APP: variants seen among roughly 807,000 people sequenced by gnomAD.
APP encodes the protein amyloid beta precursor protein.
APP carries 31 observed loss-of-function variants against 101.4 expected under a neutral mutation model. The ratio of observed to expected loss-of-function variants is 0.31; its 90% CI spans 0.23 to 0.41. The LOEUF (loss-of-function observed/expected upper bound fraction) is 0.41, where lower values mean the gene tolerates loss of function less well. Among genes scored for constraint, APP ranks in the 10% least tolerant of loss-of-function variants. The pLI is 1.00. For synonymous variants in APP, 366 were observed against 364.4 expected (o/e 1.00, Z -0.05); for missense variants, 839 against 1,003.7 (o/e 0.84, Z 2.22).
At chr21:25,979,313 G>GC (rs2042337775) in intron 9 of APP, among the ~76,000 whole-genome samples, 1 of 152,206 alleles carries the variant, frequency 6.6e-6, no homozygotes, top group Non-Finnish European at 1.5e-5. Flanking sequence ...CCTGGCCCTT[G>GC]CAGTGGCTCT....
At chr21:26,015,176 T>C (rs2043995958) in intron 6 of APP, among the ~76,000 whole-genome samples, 1 of 152,212 alleles carries the variant, frequency 6.6e-6, no homozygotes, top group South Asian at 2.1e-4. Context: ...TAATTAAAAG[T>C]CAACTTATTG....
At chr21:25,988,349 G>A (rs571977011) in intron 8 of APP, among the ~76,000 whole-genome samples, 4 of 152,268 alleles carry the variant, frequency 2.6e-5, no homozygotes, top group South Asian at 2.1e-4. Context: ...GTGATGGGGC[G>A]TTTTGTTGAA....
intron 3 of APP, 54 bp from the exon 4 acceptor site, chr21:26,053,402 A>G (rs1295103717): frequency 1.9e-5 from 23 of 1,238,604 alleles, no homozygotes; most frequent in Non-Finnish European, 2.5e-5. Context: ...CAGTGTTCTT[A>G]CCGCAGAAGA....
chr21:25,885,469 C>T (rs1350117506), intron 17 of APP, among the ~76,000 whole-genome samples: 1 of 152,218 alleles, frequency 6.6e-6, no homozygotes, highest in Non-Finnish European at 1.5e-5. Context: ...TCAGAATTTC[C>T]ATTTTCCAAC....
chr21:26,167,347 G>A (rs533717441), intron 1 of APP, among the ~76,000 whole-genome samples: 2 of 152,214 alleles, frequency 1.3e-5, no homozygotes, highest in South Asian at 4.2e-4. Flanking sequence ...CATCTGTACA[G>A]GTTTATCTTT....
At chr21:25,976,757 A>G (rs1387755696) in intron 9 of APP, among the ~76,000 whole-genome samples, 2 of 152,204 alleles carry the variant, frequency 1.3e-5, no homozygotes, top group African/African-American at 4.8e-5. Flanking sequence ...AACCCCTAAA[A>G]AGCATGTGTT....
At chr21:26,093,633 C>A (rs1601441146) in intron 2 of APP, among the ~76,000 whole-genome samples, 1 of 152,152 alleles carries the variant, frequency 6.6e-6, no homozygotes, top group South Asian at 2.1e-4. Flanking sequence ...AAATTAAAAT[C>A]CATGAAGACG....
intron 1 of APP, among the ~76,000 whole-genome samples, chr21:26,141,312 G>C (rs1331723707): frequency 6.6e-6 from 1 of 152,170 alleles, no homozygotes; most frequent in Non-Finnish European, 1.5e-5. Context: ...TAAACACCCT[G>C]ATGATGTATT....
intron 1 of APP, among the ~76,000 whole-genome samples, chr21:26,135,384 T>A (rs1398968955): frequency 6.6e-6 from 1 of 152,234 alleles, no homozygotes; most frequent in East Asian, 1.9e-4. Context: ...CATATCAAAC[T>A]AAGTTATTGA....
At chr21:26,059,321 G>A (rs962515842) in intron 3 of APP, among the ~76,000 whole-genome samples, 5 of 152,194 alleles carry the variant, frequency 3.3e-5, no homozygotes, top group African/African-American at 7.2e-5. Context: ...GAGGTCTTTG[G>A]ACTTCTGCCC....
intron 11 of APP, among the ~76,000 whole-genome samples, chr21:25,974,376 C>A (rs1027185748): frequency 3.3e-5 from 5 of 152,086 alleles, no homozygotes; most frequent in Non-Finnish European, 7.4e-5. Context: ...AAACCTAAGC[C>A]ACAGTGTGAT....
chr21:26,000,043 C>T lies in APP; in HGVS notation c.1005G>A (p.Glu335=). 1 of 1,614,134 alleles carries T rather than the reference C, an allele frequency of 6.2e-7. No homozygotes were observed. The highest frequency in any genetic ancestry group is 1.6e-4 in the Middle Eastern group (1 of 6,062). The part of the protein sequence containing the change: ...GGNRNNFDTE[E]YCMAVCGSAM... The stretch of plus-strand genomic sequence containing the variant: ...CGCTGCCACACACGGCCATGCAGTA[C>T]TCTTCTGTGTCAAAGTTGTTCCGGT... The change falls in exon 7 of 18, where the codon GAG becomes GAA. Residue 335 remains glutamate, a synonymous_variant. Transcript: ENST00000346798.
At chr21:26,088,238 A>G (rs1043434452) in intron 3 of APP, among the ~76,000 whole-genome samples, 1 of 152,226 alleles carries the variant, frequency 6.6e-6, no homozygotes, top group African/African-American at 2.4e-5. Flanking sequence ...GATATTTGCT[A>G]CAACAACTGG....
intron 3 of APP, among the ~76,000 whole-genome samples, chr21:26,084,228 T>TTA (rs2061655842): frequency 1.1e-4 from 1 of 9,064 alleles, no homozygotes; most frequent in Non-Finnish European, 4.5e-4. Context: ...AAGGGCTCCA[T>TTA]TTTTTTTTTT....
intron 1 of APP, among the ~76,000 whole-genome samples, chr21:26,116,450 C>T (rs3787650): frequency 0.038 from 5,862 of 152,284 alleles, 232 homozygotes; most frequent in Admixed American, 0.12. Flanking sequence ...GGAAACCCTA[C>T]GCCTACAGTT....
intron 9 of APP, among the ~76,000 whole-genome samples, chr21:25,977,074 T>C (rs1011366162): frequency 2.0e-5 from 3 of 152,230 alleles, no homozygotes; most frequent in Non-Finnish European, 2.9e-5. Context: ...TATTCTATTA[T>C]AGCAACACAA....
At chr21:25,902,437 AT>A (rs1386734844) in intron 15 of APP, among the ~76,000 whole-genome samples, 1 of 151,738 alleles carries the variant, frequency 6.6e-6, no homozygotes. Flanking sequence ...GCATGGCTTA[AT>A]ACATGTGCAG....
chr21:25,888,536 T>C (rs936657876), intron 17 of APP, among the ~76,000 whole-genome samples: 1 of 152,098 alleles, frequency 6.6e-6, no homozygotes, highest in East Asian at 1.9e-4. Context: ...GGGAAGGAGC[T>C]GAGAGGAAAT....
At chr21:25,897,011 A>G (rs2038094843) in intron 16 of APP, among the ~76,000 whole-genome samples, 1 of 152,254 alleles carries the variant, frequency 6.6e-6, no homozygotes, top group Admixed American at 6.5e-5. Flanking sequence ...TTTTCCCAGA[A>G]AACACAGTGG....
Sources: allele counts gnomAD v4.1 joint callset (sites outside exome capture counted in the v4.1 genomes callset), GRCh38; gene constraint gnomAD v4.1.1; transcripts MANE v1.5; gene names NCBI Gene and HGNC (gene_info 2026-07-23, HGNC 2026-07-21).